UBXN2A: variants seen among roughly 807,000 people sequenced by gnomAD.
UBXN2A encodes UBX domain-containing protein 2A.
In UBXN2A, 28 loss-of-function variants were observed where a neutral mutation model predicts 28.4. That is an observed-to-expected ratio of 0.99 (90% CI 0.73 to 1.35). UBXN2A has a LOEUF of 1.35. Among genes scored for constraint, UBXN2A ranks in the 40% most tolerant of loss-of-function variants. UBXN2A has a pLI of 0.00. For synonymous variants in UBXN2A, 97 were observed against 103.6 expected, an observed-to-expected ratio of 0.94 and a Z score of 0.39; for missense variants, 253 against 297.9, an observed-to-expected ratio of 0.85 and a Z score of 1.11.
At chr2:23,996,078 T>TTG (rs1708520608) in intron 6 of UBXN2A, among the ~76,000 whole-genome samples, 2 of 150,678 alleles carry the variant, frequency 1.3e-5, no homozygotes, top group Non-Finnish European at 3.0e-5. Context: ...TTTTTTTTTT[T>TTG]TTTTTTGAGT....
intron 2 of UBXN2A, among the ~76,000 whole-genome samples, chr2:23,961,352 T>A (rs541911775): frequency 2.7e-4 from 41 of 151,986 alleles, no homozygotes; most frequent in African/African-American, 9.2e-4. Context: ...CACCTCGGCC[T>A]CCCAAAGTGC....
intron 1 of UBXN2A, chr2:23,943,799 TTA>T (rs1278957484): frequency 3.7e-6 from 1 of 272,430 alleles, no homozygotes; most frequent in African/African-American, 2.2e-5. Flanking sequence ...CTAAAGGAGA[TTA>T]TATTTAAAAT....
intron 2 of UBXN2A, among the ~76,000 whole-genome samples, chr2:23,964,958 A>G (rs1170515103): frequency 1.3e-5 from 2 of 152,192 alleles, no homozygotes; most frequent in African/African-American, 4.8e-5. Flanking sequence ...GGCCTGGGGC[A>G]TATGGTAAAC....
At chr2:23,976,265 A>C (rs745853717) in intron 3 of UBXN2A, among the ~76,000 whole-genome samples, 4 of 152,176 alleles carry the variant, frequency 2.6e-5, no homozygotes, top group Admixed American at 6.6e-5. Flanking sequence ...GATTGCGGTG[A>C]AACCCTTCTT....
intron 1 of UBXN2A, among the ~76,000 whole-genome samples, chr2:23,943,180 C>T (rs2150800185): frequency 6.6e-6 from 1 of 152,218 alleles, no homozygotes; most frequent in East Asian, 1.9e-4. Context: ...TGGTCTCGAA[C>T]TCCAGACCTT....
chr2:23,980,454 T>C (rs1478442566), intron 4 of UBXN2A, among the ~76,000 whole-genome samples: 2 of 152,180 alleles, frequency 1.3e-5, no homozygotes, highest in African/African-American at 4.8e-5. Context: ...TAGCTTCTGT[T>C]TTTTTAAATT....
At chr2:23,944,382 C>T (rs1705933886) in intron 1 of UBXN2A, 1 of 1,380,012 alleles carries the variant, frequency 7.2e-7, no homozygotes. Context: ...CATCTTCCTA[C>T]ACATTATTGT....
At chr2:23,929,331 T>G (rs992109323) in intron 1 of UBXN2A, among the ~76,000 whole-genome samples, 1 of 151,320 alleles carries the variant, frequency 6.6e-6, no homozygotes, top group South Asian at 2.1e-4. Context: ...GAGCCCAGGA[T>G]GTCCAGGCTG....
chr2:23,953,142 GATT>G (rs1423162226), intron 1 of UBXN2A, among the ~76,000 whole-genome samples: 1 of 151,944 alleles, frequency 6.6e-6, no homozygotes, highest in Non-Finnish European at 1.5e-5. Flanking sequence ...GCTACTCTTA[GATT>G]ATTAAGAGTA....
chr2:23,933,465 C>A (rs1451963193), intron 1 of UBXN2A, among the ~76,000 whole-genome samples: 1 of 152,188 alleles, frequency 6.6e-6, no homozygotes, highest in Non-Finnish European at 1.5e-5. Context: ...GAGATCGCAC[C>A]ATTGCATTCC....
At chr2:23,960,376 A>G (rs1477518569) in intron 2 of UBXN2A, among the ~76,000 whole-genome samples, 1 of 152,218 alleles carries the variant, frequency 6.6e-6, no homozygotes, top group African/African-American at 2.4e-5. Flanking sequence ...CTGCGCAGTA[A>G]TAAATTGAAT....
intron 1 of UBXN2A, among the ~76,000 whole-genome samples, chr2:23,949,499 G>T (rs979146815): frequency 7.2e-5 from 11 of 151,840 alleles, no homozygotes; most frequent in Admixed American, 3.9e-4. Flanking sequence ...TTGAACCCAG[G>T]AGGTAGAGGT....
At chr2:23,963,303 T>G (rs887917061) in intron 2 of UBXN2A, among the ~76,000 whole-genome samples, 1 of 151,386 alleles carries the variant, frequency 6.6e-6, no homozygotes, top group Admixed American at 6.6e-5. Context: ...GATCACGAGG[T>G]CAGAAGTTCG....
At chr2:23,958,937 G>A (rs1706770129) in intron 2 of UBXN2A, among the ~76,000 whole-genome samples, 1 of 152,020 alleles carries the variant, frequency 6.6e-6, no homozygotes, top group South Asian at 2.1e-4. Flanking sequence ...AATTCCTGGG[G>A]ACAAGTGATC....
intron 1 of UBXN2A, among the ~76,000 whole-genome samples, chr2:23,941,413 C>A (rs910985604): frequency 6.6e-6 from 1 of 152,150 alleles, no homozygotes; most frequent in Non-Finnish European, 1.5e-5. Context: ...CAATTAAATT[C>A]AGTGAATACA....
chr2:23,977,195 T>C, intron 4 of UBXN2A, 120 bp downstream of exon 4: 1 of 681,296 alleles, frequency 1.5e-6, no homozygotes, highest in Non-Finnish European at 2.4e-6. Context: ...AGACCTCATC[T>C]CTACTTAAAA....
intron 3 of UBXN2A, among the ~76,000 whole-genome samples, chr2:23,976,651 A>G (rs1382198851): frequency 1.3e-5 from 2 of 152,194 alleles, no homozygotes; most frequent in Non-Finnish European, 2.9e-5. Flanking sequence ...CCGTGATTCA[A>G]TTACCTCCCC....
chr2:23,958,390 C>T (rs1706739998), intron 2 of UBXN2A, 35 bp downstream of exon 2: 1 of 1,565,490 alleles, frequency 6.4e-7, no homozygotes, highest in East Asian at 2.3e-5. Context: ...TTTGTTAATG[C>T]CTTTGTTAAT....
Position 24,004,258 on chromosome 2 carries a change from A to C in UBXN2A, c.*4391A>C, listed in dbSNP as rs1708763128. Reference sequence around the variant, plus strand: ...CAAACAATTTGCTAAGGGAAGGAAAACTTGAAAATAATCACCTTAGATGGG... The same window carrying C: ...CAAACAATTTGCTAAGGGAAGGAAACCTTGAAAATAATCACCTTAGATGGG... On this transcript the variant is annotated 3_prime_UTR_variant, in exon 7 of 7. Coordinates refer to ENST00000309033, the MANE Select transcript of UBXN2A (RefSeq NM_181713.4). 1 of 152,208 alleles carries C rather than the reference A, an allele frequency of 6.6e-6. No individual in the cohort carries two copies. The highest frequency in any genetic ancestry group is 2.1e-4 in the South Asian group (1 of 4,836). The allele number at this position is 152,208 out of a possible 1,614,324, so 9.4% of individuals were successfully genotyped here.
Sources: allele counts gnomAD v4.1 joint callset (sites outside exome capture counted in the v4.1 genomes callset), GRCh38; gene constraint gnomAD v4.1.1; transcripts MANE v1.5; gene names NCBI Gene and HGNC (gene_info 2026-07-23, HGNC 2026-07-21).